The following TWF2 variants were observed in gnomAD, a reference collection of about 807,000 sequenced individuals.
TWF2 encodes the protein twinfilin-2.
TWF2 carries 15 observed loss-of-function variants against 45.1 expected under a neutral mutation model. The observed-to-expected ratio is 0.33, with a 90% confidence interval of 0.22 to 0.51. The LOEUF (loss-of-function observed/expected upper bound fraction) is 0.51, where lower values mean the gene tolerates loss of function less well. Ranked by LOEUF, TWF2 falls within the 20% of genes least tolerant of loss-of-function variation. TWF2 has a pLI of 0.97. For missense variants in TWF2, 423 were observed against 469.1 expected (o/e 0.90, Z 0.91); for synonymous variants, 177 against 195.8 (o/e 0.90, Z 0.80).
At chr3:52,233,694 C>T (rs1269673201) in intron 2 of TWF2, among the ~76,000 whole-genome samples, 3 of 152,034 alleles carry the variant, frequency 2.0e-5, no homozygotes, top group African/African-American at 4.8e-5. Context: ...TTTGGGAGGC[C>T]GAGGTGGGCG....
At chr3:52,238,081 T>TAGGGG (rs1363870464) in intron 1 of TWF2, among the ~76,000 whole-genome samples, 3 of 151,980 alleles carry the variant, frequency 2.0e-5, no homozygotes, top group Admixed American at 6.5e-5. Flanking sequence ...CTGGGACCCC[T>TAGGGG]AGGGGAGGGG....
At chr3:52,232,358 A>G in intron 2 of TWF2, 1 of 556,308 alleles carries the variant, frequency 1.8e-6, no homozygotes, top group Non-Finnish European at 3.2e-6. Flanking sequence ...GCGTGCACAC[A>G]CCCCCCCACA....
chr3:52,235,214 T>A, intron 1 of TWF2, 108 bp from the exon 2 acceptor site: 2 of 1,081,968 alleles, frequency 1.8e-6, no homozygotes, highest in Non-Finnish European at 2.7e-6. Flanking sequence ...GGAACCAGGT[T>A]AAATACAGCC....
intron 1 of TWF2, 124 bp from the exon 2 acceptor site, chr3:52,235,230 T>C (rs1414908872): frequency 1.1e-6 from 1 of 924,310 alleles, no homozygotes; most frequent in Non-Finnish European, 1.6e-6. Context: ...CAGCCCCCCA[T>C]GTGACTGGGA....
At chr3:52,232,347 C>A (rs975172241) in intron 2 of TWF2, 14 of 584,202 alleles carry the variant, frequency 2.4e-5, no homozygotes, top group East Asian at 1.2e-4. Context: ...ACATCCCCAG[C>A]GCGTGCACAC....
rs769661628 is a variant in TWF2 at position 52,229,997 on chromosome 3, C to A, written c.683G>T (p.Arg228Leu). ...GTAGCGGGCAGCATCTCGGGGCACC[C>A]GGGAGGGCAGCTGGGCCACATCCGT... ...EPTDVAQLPS[R>L]VPRDAARYHF... Residue 228 changes from arginine (R) to leucine (L), a missense_variant, in exon 7 of 9, where the codon CGG (arginine) becomes CTG (leucine). By Grantham distance (102) the Arg-to-Leu change is moderately radical (BLOSUM62 -2). Transcript: ENST00000305533. 1.2e-6 allele frequency: 2 copies of A among 1,612,444 alleles called. No homozygotes were observed. The highest frequency in any genetic ancestry group is 2.2e-5 in the East Asian group (1 of 44,858).
intron 2 of TWF2, among the ~76,000 whole-genome samples, 170 bp downstream of exon 2, chr3:52,234,859 C>T (rs1311299505): frequency 6.6e-6 from 1 of 152,196 alleles, no homozygotes. Context: ...TTGCGCCCAC[C>T]TCTGATGCTG....
chr3:52,238,933 G>GC (rs984393895), intron 1 of TWF2, 59 bp downstream of exon 1: 30 of 1,563,690 alleles, frequency 1.9e-5, no homozygotes, highest in Admixed American at 3.5e-5. Context: ...GAGAGCCGGG[G>GC]GGGGGCGCTT....
At position 52,229,793 on chromosome 3, in the gene TWF2, G is replaced by A. The variant is rs758753199; in HGVS notation, c.761-11C>T. ...TGGAGTAGATGAACACTGTTGGGGGGCAGGAGGTGAGCCTGGGAGGCCTGA... is the reference window on the plus strand; with the variant it reads ...TGGAGTAGATGAACACTGTTGGGGGACAGGAGGTGAGCCTGGGAGGCCTGA... On this transcript the variant is annotated splice_polypyrimidine_tract_variant and intron_variant, in intron 7 of 8. Coordinates refer to ENST00000305533, the MANE Select transcript of TWF2 (RefSeq NM_007284.4). The A allele has an allele frequency of 2.5e-6, 4 of 1,607,556 alleles. No homozygotes were observed. Among genetic ancestry groups the A allele is most frequent in the East Asian group, 2.2e-5 (1 of 44,708 alleles).
chr3:52,234,068 A>G (rs1699704031), intron 2 of TWF2, among the ~76,000 whole-genome samples: 1 of 152,242 alleles, frequency 6.6e-6, no homozygotes, highest in Admixed American at 6.5e-5. Flanking sequence ...ATTCTGCCAC[A>G]GTGACCCCTG....
In TWF2 at chr3:52,228,908, CG is replaced by C; in HGVS notation, c.*125del. The C allele has an allele frequency of 7.1e-7, 1 of 1,415,244 alleles. No individual in the cohort carries two copies. The highest frequency in any genetic ancestry group is 1.4e-5 in the South Asian group (1 of 70,890). 87.7% of individuals were successfully genotyped at this position (1,415,244 alleles called of 1,614,324 possible). A position where few individuals can be genotyped will look rare whatever the true frequency, so the allele number is the denominator to read the frequency against. On this transcript the variant is annotated 3_prime_UTR_variant, in exon 9 of 9. Coordinates refer to ENST00000305533, the MANE Select transcript of TWF2 (RefSeq NM_007284.4). The stretch of plus-strand genomic sequence containing the variant: ...CGGTGGCCCTCGGACGCTGCAAGTG[CG>C]TTCAGCTGCCAGCCCTCCTGACCTC...
In TWF2 at chr3:52,231,949, A is replaced by T; in HGVS notation, c.277T>A (p.Ser93Thr). 1 of 1,612,014 alleles carries T rather than the reference A, an allele frequency of 6.2e-7. No homozygotes were observed. The highest frequency in any genetic ancestry group is 8.5e-7 in the Non-Finnish European group (1 of 1,178,862). ...CCCACTGGCCCAGGACTCACGGGGG[A>T]GTTATCAGGCGACCAGGCGAGGAAG... ...WLFLAWSPDN[S>T]PVRLKMLYAA... The change falls in exon 3 of 9, where the codon TCC becomes ACC. Residue 93 changes from serine to threonine, a missense_variant. By Grantham distance (58) the Ser-to-Thr change is moderately conservative (BLOSUM62 1). Transcript: ENST00000305533.
At chr3:52,236,567 A>G (rs576280032) in intron 1 of TWF2, among the ~76,000 whole-genome samples, 8 of 152,294 alleles carry the variant, frequency 5.3e-5, no homozygotes, top group African/African-American at 1.9e-4. Flanking sequence ...TCAGGAACAC[A>G]GCTGGAGGCC....
chr3:52,229,764 G>A lies in TWF2; in HGVS notation c.779C>T (p.Pro260Leu), dbSNP rs753740098. The A allele has an allele frequency of 4.3e-6, 7 of 1,612,646 alleles. No homozygotes were observed. The highest frequency in any genetic ancestry group is 1.7e-5 in the Admixed American group (1 of 60,000). Residue 260 changes from proline (P) to leucine (L), a missense_variant, in exon 8 of 9, where the codon CCG becomes CTG. Pro to Leu is a moderately conservative substitution (Grantham distance 98). Coordinates refer to ENST00000305533, the MANE Select transcript of TWF2 (RefSeq NM_007284.4). ...LESVVFIYSMPGYKCSIKERM... is the reference protein window; with the variant it reads ...LESVVFIYSMLGYKCSIKERM... The stretch of plus-strand genomic sequence containing the variant: ...CTCCTTGATGCTGCACTTGTACCCC[G>A]GCATGGAGTAGATGAACACTGTTGG...
intron 1 of TWF2, 47 bp downstream of exon 1, chr3:52,238,945 C>T: frequency 4.5e-6 from 7 of 1,572,336 alleles, no homozygotes; most frequent in Non-Finnish European, 6.0e-6. Flanking sequence ...GGGGCGCTTC[C>T]GAGAGCCCAG....
rs149287459 is a variant in TWF2, at chr3:52,235,055, C to T, written c.77G>A (p.Arg26Gln). ...FFAKARAGSV[R>Q]LIKVVIEDEQ... ...GTCCTCAATCACAACCTTGATGAGC[C>T]GCACAGAGCCAGCCCGTGCCTTGGC... Residue 26 changes from arginine (R) to glutamine (Q), a missense_variant, in exon 2 of 9, where the codon CGG becomes CAG. By Grantham distance (43) the Arg-to-Gln change is conservative. Transcript: ENST00000305533. 4.7e-4 allele frequency: 766 copies of T among 1,613,938 alleles called. 9 individuals carry two copies. In the South Asian group the frequency reaches 7.2e-3, roughly 15 times the overall value.
At position 52,239,144 on chromosome 3, in the gene TWF2, G is replaced by T; in HGVS notation, c.-128C>A. ...TCGACCCTCGCGCAGCTTCCCGGGC[G>T]GTGCCGCAGGACCCGCCCCCAGCGG... On this transcript the variant is annotated 5_prime_UTR_variant, in exon 1 of 9. Transcript: ENST00000305533. 1 of 1,262,646 alleles carries T rather than the reference G, an allele frequency of 7.9e-7. No individual in the cohort carries two copies. Among genetic ancestry groups the T allele is most frequent in the Non-Finnish European group, 1.0e-6 (1 of 984,034 alleles). 78.2% of individuals were successfully genotyped at this position (1,262,646 alleles called of 1,614,324 possible).
rs5848945 is a variant in TWF2, at chr3:52,233,913, CAA to C, written c.103+1114_103+1115del. ...TGGGTGACAGAGCGAAACTCCGTCT[CAA>C]AAAAAAAAAAAAAAAAAAAAATCTG... On this transcript the variant is annotated intron_variant, in intron 2 of 8. Coordinates refer to ENST00000305533, the MANE Select transcript of TWF2 (RefSeq NM_007284.4). Among the ~76,000 whole-genome samples the C allele has an allele frequency of 6.5e-3, 485 of 74,206 alleles. 1 individual carries two copies. The highest frequency in any genetic ancestry group is 0.039 in the South Asian group (73 of 1,864). 48.7% of individuals were successfully genotyped at this position (74,206 alleles called of 152,430 possible).
chr3:52,232,026 C>A lies in TWF2; in HGVS notation c.200G>T (p.Cys67Phe). Residue 67 changes from cysteine (C) to phenylalanine (F), a missense_variant, in exon 3 of 9, where the codon TGC becomes TTC. Physicochemically the swap from Cys to Phe is radical, Grantham distance 205. Coordinates refer to ENST00000305533, the MANE Select transcript of TWF2 (RefSeq NM_007284.4). ...VLPLLDAQQP[C>F]YLLYRLDSQN... The stretch of plus-strand genomic sequence containing the variant: ...TGAGTCGAGGCGGTAGAGCAGGTAG[C>A]AGGGCTGCTGGGCGTCCAGCAGTGG... 1.9e-6 allele frequency: 3 copies of A among 1,614,048 alleles called. No individual in the cohort carries two copies. Among genetic ancestry groups the A allele is most frequent in the Non-Finnish European group, 2.5e-6 (3 of 1,179,948 alleles).
Sources: allele counts gnomAD v4.1 joint callset (sites outside exome capture counted in the v4.1 genomes callset), GRCh38; gene constraint gnomAD v4.1.1; transcripts MANE v1.5; gene names NCBI Gene and HGNC (gene_info 2026-07-23, HGNC 2026-07-21).